KDM6A: variants seen among roughly 807,000 people sequenced by gnomAD.
KDM6A encodes lysine-specific demethylase 6A.
In KDM6A, 11 loss-of-function variants were observed where a neutral mutation model predicts 117.6. The ratio of observed to expected loss-of-function variants is 0.09; its 90% CI spans 0.06 to 0.15. KDM6A has a LOEUF of 0.15. Among genes scored for constraint, KDM6A ranks in the 10% least tolerant of loss-of-function variants. The probability of loss-of-function intolerance (pLI) is 1.00; values close to 1 mark genes in which losing one functional copy is unlikely to be tolerated. For missense variants in KDM6A, 799 were observed against 1,077.3 expected, an observed-to-expected ratio of 0.74 and a Z score of 3.62; for synonymous variants, 384 against 396.1, an observed-to-expected ratio of 0.97 and a Z score of 0.36.
Position 45,085,088 on chromosome X carries a change from A to G in KDM6A, c.3590-777A>G, listed in dbSNP as rs1421414567. On this transcript the variant is annotated intron_variant, in intron 24 of 29. Coordinates refer to ENST00000611820, the MANE Select transcript of KDM6A (RefSeq NM_001291415.2). ...TTTTATCCATAGTCAGGTAAAGTGC[A>G]AAGAGTTCTGGAATAAATGATAGAA... Among the ~76,000 whole-genome samples, 4 of 111,846 alleles carry G rather than the reference A, an allele frequency of 3.6e-5. No homozygotes were observed. The Admixed American group carries it at 3.8e-4, about 11-fold the overall frequency.
chrX:44,903,099 C>G (rs1310764599), intron 2 of KDM6A, among the ~76,000 whole-genome samples: 3 of 111,954 alleles, frequency 2.7e-5, no homozygotes, highest in East Asian at 5.6e-4. Context: ...TACTGGTACT[C>G]TTGTTTTTTC....
At chrX:44,992,470 C>T (rs1425760033) in intron 4 of KDM6A, among the ~76,000 whole-genome samples, 2 of 109,373 alleles carry the variant, frequency 1.8e-5, no homozygotes, top group African/African-American at 6.6e-5. Flanking sequence ...GTGATCTGCC[C>T]ACCTTGGCCC....
rs1393730788 is a variant in KDM6A at position 44,961,365 on chromosome X, A to C, written c.307A>C (p.Asn103His). 8.5e-7 allele frequency: 1 copy of C among 1,181,228 alleles called. No individual in the cohort carries two copies. Among genetic ancestry groups the C allele is most frequent in the African/African-American group, 1.8e-5 (1 of 56,732 alleles). ...TTTCTTTTGTCAATTAGGTCACTTC[A>C]ACCTCTTATTGGAAGATTATCCAAA... ...SDFFCQLGHF[N>H]LLLEDYPKAL... Residue 103 changes from asparagine to histidine, a missense_variant, in exon 3 of 30, where the codon AAC (asparagine) becomes CAC (histidine). By Grantham distance (68) the Asn-to-His change is moderately conservative. Around this residue, in one of 8 missense-constraint regions of KDM6A, gnomAD observed 89 missense variants for 117.8 expected, o/e 0.76. Coordinates refer to ENST00000611820, the MANE Select transcript of KDM6A (RefSeq NM_001291415.2).
At chrX:45,082,506 T>TC in intron 21 of KDM6A, 70 bp from the exon 22 acceptor site, 1 of 686,516 alleles carries the variant, frequency 1.5e-6, no homozygotes, top group African/African-American at 2.1e-5. Context: ...GAACTTTTTT[T>TC]CAGTTGTATG....
chrX:45,112,762 A>G lies in KDM6A; in HGVS notation c.*1351A>G, dbSNP rs771921570. Reference sequence around the variant, plus strand: ...TTTTAGAATGCAAATAAATTAAGAGACTTATTTTTTAATGTTAGGCAGTTT... The same window carrying G: ...TTTTAGAATGCAAATAAATTAAGAGGCTTATTTTTTAATGTTAGGCAGTTT... On this transcript the variant is annotated 3_prime_UTR_variant, in exon 30 of 30. Coordinates refer to ENST00000611820, the MANE Select transcript of KDM6A (RefSeq NM_001291415.2). Among the ~76,000 whole-genome samples, 5 of 111,055 alleles carry G rather than the reference A, an allele frequency of 4.5e-5. No individual in the cohort carries two copies. The highest frequency in any genetic ancestry group is 9.6e-5 in the Admixed American group (1 of 10,387).
chrX:44,990,112 G>A (rs2040488112), intron 4 of KDM6A, among the ~76,000 whole-genome samples: 1 of 112,320 alleles, frequency 8.9e-6, no homozygotes, highest in African/African-American at 3.2e-5. Flanking sequence ...GTTTGCAACA[G>A]TTAGCACTGT....
intron 2 of KDM6A, among the ~76,000 whole-genome samples, chrX:44,946,332 C>T (rs1275999842): frequency 1.8e-5 from 2 of 111,758 alleles, no homozygotes; most frequent in Non-Finnish European, 3.8e-5. Context: ...CTCAAGTGAT[C>T]TGCCTGCCTC....
chrX:44,937,419 GCTCA>G (rs2037034267), intron 2 of KDM6A, among the ~76,000 whole-genome samples: 1 of 111,369 alleles, frequency 9.0e-6, no homozygotes, highest in African/African-American at 3.3e-5. Context: ...AACAGCATGT[GCTCA>G]CTCAGTGACT....
At chrX:44,874,125 C>T in intron 2 of KDM6A, 138 bp downstream of exon 2, 1 of 552,087 alleles carries the variant, frequency 1.8e-6, no homozygotes, top group Middle Eastern at 4.6e-4. Flanking sequence ...TTTCCTGCCT[C>T]TGCTCTCCCC....
At chrX:44,999,696 C>CT (rs1220378126) in intron 4 of KDM6A, among the ~76,000 whole-genome samples, 2 of 111,653 alleles carry the variant, frequency 1.8e-5, no homozygotes, top group Non-Finnish European at 3.8e-5. Context: ...TCTTTTCAAA[C>CT]TTTTTTTAAA....
chrX:44,941,642 G>A (rs1429975242), intron 2 of KDM6A, among the ~76,000 whole-genome samples: 6 of 109,013 alleles, frequency 5.5e-5, no homozygotes, highest in African/African-American at 2.0e-4. Context: ...CGCCACACCC[G>A]GCTAATTTTT....
chrX:44,873,500 C>T lies in KDM6A; in HGVS notation c.-52C>T. On this transcript the variant is annotated 5_prime_UTR_variant, in exon 1 of 30. Coordinates refer to ENST00000611820, the MANE Select transcript of KDM6A (RefSeq NM_001291415.2). ...GCAGATTGGGGGCGTCACTGCGGGCCCCGGTCCGAGGGGGGGTGTCGGCGT... is the reference window on the plus strand; with the variant it reads ...GCAGATTGGGGGCGTCACTGCGGGCTCCGGTCCGAGGGGGGGTGTCGGCGT... 8.3e-7 allele frequency: 1 copy of T among 1,207,348 alleles called. No homozygotes were observed. Among genetic ancestry groups the T allele is most frequent in the Non-Finnish European group, 1.1e-6 (1 of 893,458 alleles).
At chrX:44,906,907 C>T (rs889619024) in intron 2 of KDM6A, among the ~76,000 whole-genome samples, 11 of 107,193 alleles carry the variant, frequency 1.0e-4, no homozygotes, top group African/African-American at 3.8e-4. Flanking sequence ...CTTCTCTTTC[C>T]ACTTCCCATT....
intron 4 of KDM6A, among the ~76,000 whole-genome samples, chrX:45,009,952 C>T (rs769186023): frequency 3.6e-5 from 4 of 111,946 alleles, no homozygotes; most frequent in East Asian, 2.8e-4. Context: ...GGAGATGCAA[C>T]GCAGGCAGCA....
Position 44,873,308 on chromosome X carries a change from C to A in KDM6A, c.-244C>A. The A allele has an allele frequency of 5.7e-6, 2 of 349,032 alleles. No homozygotes were observed. Among genetic ancestry groups the A allele is most frequent in the Admixed American group, 5.7e-5 (1 of 17,581 alleles). The allele number at this position is 349,032 out of a possible 1,213,427, so 28.8% of individuals were successfully genotyped here. On this transcript the variant is annotated 5_prime_UTR_variant, in exon 1 of 30. Transcript: ENST00000611820. ...CCGCCTGTGGCTGCCCCCTGCCCAA[C>A]CCCGCGATGTGACCCTACAGCCGAA...
chrX:44,972,924 A>G (rs1418617581), intron 3 of KDM6A, among the ~76,000 whole-genome samples: 1 of 110,008 alleles, frequency 9.1e-6, no homozygotes, highest in Non-Finnish European at 1.9e-5. Context: ...AATCCCAGCT[A>G]CTCAGGAGGC....
intron 4 of KDM6A, among the ~76,000 whole-genome samples, chrX:45,002,775 T>A (rs1412565193): frequency 9.2e-6 from 1 of 109,175 alleles, no homozygotes; most frequent in African/African-American, 3.3e-5. Context: ...GTTGCAAACA[T>A]CCCTTTCTTT....
chrX:44,997,152 C>G (rs2040900421), intron 4 of KDM6A, among the ~76,000 whole-genome samples: 1 of 112,486 alleles, frequency 8.9e-6, no homozygotes, highest in African/African-American at 3.2e-5. Flanking sequence ...TGTTCACCAG[C>G]TCAGTTAGAC....
At chrX:44,873,819 G>A (rs2031127170) in intron 1 of KDM6A, 105 bp from the exon 2 acceptor site, 2 of 1,145,060 alleles carry the variant, frequency 1.7e-6, no homozygotes, top group East Asian at 6.5e-5. Flanking sequence ...GGGCACCTCG[G>A]TTTGGCGCTC....
Sources: gnomAD v4.1 joint callset for allele counts (sites outside exome capture counted in the v4.1 genomes callset) on GRCh38, gnomAD v4.1.1 for gene constraint, gnomAD v4.1.1 regional missense constraint, MANE v1.5 for transcripts, NCBI Gene and HGNC (gene_info 2026-07-23, HGNC 2026-07-21) for gene names.